The following FAM124A variants were observed in gnomAD, a reference collection of about 807,000 sequenced individuals.
The protein encoded by FAM124A is family with sequence similarity 124 member A.
FAM124A carries 23 observed loss-of-function variants against 24.5 expected under a neutral mutation model. The ratio of observed to expected loss-of-function variants is 0.94; its 90% CI spans 0.68 to 1.33. FAM124A has a LOEUF of 1.33. Ranked by LOEUF, FAM124A falls within the 40% of genes most tolerant of loss-of-function variation. The probability of loss-of-function intolerance (pLI) is 0.00; values close to 1 mark genes in which losing one functional copy is unlikely to be tolerated. For synonymous variants in FAM124A, 287 were observed against 314.7 expected (o/e 0.91, Z 0.93); for missense variants, 623 against 722.8 (o/e 0.86, Z 1.58).
chr13:51,248,024 G>A (rs1489514857), intron 2 of FAM124A, among the ~76,000 whole-genome samples: 2 of 152,112 alleles, frequency 1.3e-5, no homozygotes, highest in African/African-American at 4.8e-5. Context: ...GGTCTATATG[G>A]GGGCACACGC....
chr13:51,251,988 C>A lies in FAM124A; in HGVS notation c.621C>A (p.Ile207=). The part of the protein sequence containing the change: ...SPSQKKADFC[I]FPIFSNLDVD... ...GCCAGAAGAAAGCGGACTTCTGCAT[C>A]TTCCCTATTTTTTCCAACCTGGATG... Residue 207 remains isoleucine, a synonymous_variant, in exon 3 of 4, where the codon ATC becomes ATA. Coordinates refer to ENST00000322475, the MANE Select transcript of FAM124A (RefSeq NM_001242312.2). The surrounding 1 kb of genome is among the most constrained non-coding windows in gnomAD (Gnocchi z 5.3). 1 of 1,614,262 alleles carries A rather than the reference C, an allele frequency of 6.2e-7. No individual in the cohort carries two copies. Among genetic ancestry groups the A allele is most frequent in the Non-Finnish European group, 8.5e-7 (1 of 1,180,052 alleles).
Position 51,251,650 on chromosome 13 carries a change from A to C in FAM124A, c.283A>C (p.Lys95Gln), listed in dbSNP as rs1376115207. ...RASRRRRKPP[K>Q]GAQPALAVVL... ...GTCCCGGCGGCGGCGGAAGCCCCCC[A>C]AGGGCGCTCAGCCAGCGCTGGCTGT... The change falls in exon 3 of 4, where the codon AAG (lysine) becomes CAG (glutamine). Residue 95 changes from lysine to glutamine, a missense_variant. Physicochemically the swap from Lys to Gln is moderately conservative, Grantham distance 53. Transcript: ENST00000322475. This position sits in a 1 kb window ranked among gnomAD's most constrained non-coding sequence, Gnocchi z 5.3. The C allele has an allele frequency of 6.3e-6, 10 of 1,580,146 alleles. No individual in the cohort carries two copies. Among genetic ancestry groups the C allele is most frequent in the Middle Eastern group, 1.7e-4 (1 of 5,888 alleles).
In FAM124A at chr13:51,274,179, C is replaced by G. The variant is rs372310064; in HGVS notation, c.835-6271C>G. ...GTTGTTTCCTAGAACTTCTAGGTGC[C>G]CAGCCCTTTTCTGTTTATTAATAGT... On this transcript the variant is annotated intron_variant, in intron 3 of 3. Transcript: ENST00000322475. Among the ~76,000 whole-genome samples the G allele has an allele frequency of 8.5e-5, 13 of 152,234 alleles. No individual in the cohort carries two copies. In the East Asian group the frequency reaches 2.3e-3, roughly 27 times the overall value.
chr13:51,273,945 A>C (rs1337009339), intron 3 of FAM124A, among the ~76,000 whole-genome samples: 2 of 152,244 alleles, frequency 1.3e-5, no homozygotes, highest in Non-Finnish European at 2.9e-5. Flanking sequence ...GGTAATTCAC[A>C]AATTACACCA....
At chr13:51,256,384 G>A (rs1394144958) in intron 3 of FAM124A, among the ~76,000 whole-genome samples, 1 of 152,182 alleles carries the variant, frequency 6.6e-6, no homozygotes, top group African/African-American at 2.4e-5. Flanking sequence ...AGAGAAAAGA[G>A]CTGCAACTAA....
At chr13:51,237,789 TG>T (rs34258360) in intron 2 of FAM124A, among the ~76,000 whole-genome samples, 47,278 of 152,150 alleles carry the variant, frequency 0.31, 9,250 homozygotes, top group Non-Finnish European at 0.43. Flanking sequence ...TGGGGCATCT[TG>T]TATACCTATA....
At chr13:51,261,547 AAAG>A (rs1954738520) in intron 3 of FAM124A, among the ~76,000 whole-genome samples, 1 of 126,586 alleles carries the variant, frequency 7.9e-6, no homozygotes. Context: ...TTTTAGGAAA[AAAG>A]AAGTGAACTA....
intron 2 of FAM124A, among the ~76,000 whole-genome samples, chr13:51,240,947 A>G (rs1954484781): frequency 6.6e-6 from 1 of 152,162 alleles, no homozygotes; most frequent in African/African-American, 2.4e-5. Flanking sequence ...CTCCCACCAG[A>G]AGCCCAAACT....
chr13:51,244,208 G>T (rs1421286348), intron 2 of FAM124A, among the ~76,000 whole-genome samples: 1 of 152,144 alleles, frequency 6.6e-6, no homozygotes, highest in Non-Finnish European at 1.5e-5. Context: ...ATGGTAAATT[G>T]TTACAGCCAC....
intron 3 of FAM124A, among the ~76,000 whole-genome samples, chr13:51,278,826 C>T (rs1954909218): frequency 6.6e-6 from 1 of 152,186 alleles, no homozygotes; most frequent in South Asian, 2.1e-4. Context: ...AGTGTTCATC[C>T]TCCATCAGTT....
chr13:51,248,748 T>A (rs762397649), intron 2 of FAM124A, among the ~76,000 whole-genome samples: 3 of 152,178 alleles, frequency 2.0e-5, no homozygotes, highest in Non-Finnish European at 4.4e-5. Flanking sequence ...TATAGTCTCA[T>A]CCTAAATCAA....
Position 51,251,851 on chromosome 13 carries a change from A to G in FAM124A, c.484A>G (p.Ile162Val). ...TLAPGTPLWA[I>V]RPVHYGKEIV... ...GGCCCCTGGGACGCCGCTTTGGGCC[A>G]TCCGGCCCGTGCACTACGGCAAGGA... The change falls in exon 3 of 4, where the codon ATC becomes GTC. Residue 162 changes from isoleucine to valine, a missense_variant. Coordinates refer to ENST00000322475, the MANE Select transcript of FAM124A (RefSeq NM_001242312.2). This position sits in a 1 kb window ranked among gnomAD's most constrained non-coding sequence, Gnocchi z 5.3. The G allele has an allele frequency of 3.1e-6, 5 of 1,612,338 alleles. No homozygotes were observed. Among genetic ancestry groups the G allele is most frequent in the Non-Finnish European group, 4.2e-6 (5 of 1,179,312 alleles).
rs1439164085 is a variant in FAM124A, at chr13:51,272,228, C to T, written c.835-8222C>T. Among the ~76,000 whole-genome samples, 2 of 152,106 alleles carry T rather than the reference C, an allele frequency of 1.3e-5. No individual in the cohort carries two copies. Among genetic ancestry groups the T allele is most frequent in the Non-Finnish European group, 2.9e-5 (2 of 68,026 alleles). ...TCTTCTTACAAGGAAGTTGGGGGCA[C>T]AGGAGGTCAGTAGGTTGGCTTTGGG... On this transcript the variant is annotated intron_variant, in intron 3 of 3. Transcript: ENST00000322475. This position sits in a 1 kb window ranked among gnomAD's most constrained non-coding sequence, Gnocchi z 4.2.
In FAM124A at chr13:51,281,131, C is replaced by T. The variant is rs775249581; in HGVS notation, c.1516C>T (p.Leu506Phe). ...AAPPAPSTST[L>F]TDSSPQLPCD... ...TCCCCCAGCTCCCAGCACCTCCACC[C>T]TCACAGACTCCTCCCCACAGCTCCC... is the stretch of plus-strand genomic sequence containing the variant. Residue 506 changes from leucine (L) to phenylalanine (F), a missense_variant, in exon 4 of 4, where the codon CTC becomes TTC. Coordinates refer to ENST00000322475, the MANE Select transcript of FAM124A (RefSeq NM_001242312.2). The T allele has an allele frequency of 6.2e-7, 1 of 1,614,154 alleles. No individual in the cohort carries two copies. The highest frequency in any genetic ancestry group is 1.7e-5 in the Admixed American group (1 of 60,012).
In FAM124A at chr13:51,281,384, C is replaced by T; in HGVS notation, c.*128C>T. On this transcript the variant is annotated 3_prime_UTR_variant, in exon 4 of 4. Coordinates refer to ENST00000322475, the MANE Select transcript of FAM124A (RefSeq NM_001242312.2). ...TTCCCAGGAGCCCGTAGCACATTTGCCTACCACCCACTCTTAGCTGGGGGG... is the reference window on the plus strand; with the variant it reads ...TTCCCAGGAGCCCGTAGCACATTTGTCTACCACCCACTCTTAGCTGGGGGG... 1 of 915,794 alleles carries T rather than the reference C, an allele frequency of 1.1e-6. No individual in the cohort carries two copies. The highest frequency in any genetic ancestry group is 1.6e-6 in the Non-Finnish European group (1 of 637,806). The allele number at this position is 915,794 out of a possible 1,614,324, so 56.7% of individuals were successfully genotyped here.
At chr13:51,260,929 G>A (rs1188242384) in intron 3 of FAM124A, among the ~76,000 whole-genome samples, 3 of 152,154 alleles carry the variant, frequency 2.0e-5, no homozygotes, top group Non-Finnish European at 1.5e-5. Flanking sequence ...GAACTCTAGG[G>A]CAGGATAGCC....
intron 2 of FAM124A, among the ~76,000 whole-genome samples, chr13:51,247,953 C>T (rs925976544): frequency 6.6e-6 from 1 of 152,124 alleles, no homozygotes; most frequent in East Asian, 1.9e-4. Flanking sequence ...AAGAAAAGGG[C>T]CAGAATTATC....
rs888148084 is a variant in FAM124A at position 51,251,711 on chromosome 13, A to G, written c.344A>G (p.Gln115Arg). ...LFLQEEYGEE[Q>R]ILQLHRTLQQ... is the part of the protein sequence containing the mutation. Reference sequence around the variant, plus strand: ...CTGCAGGAGGAGTACGGCGAAGAGCAGATCCTGCAGCTGCACCGCACACTG... The same window carrying G: ...CTGCAGGAGGAGTACGGCGAAGAGCGGATCCTGCAGCTGCACCGCACACTG... The change falls in exon 3 of 4, where the codon CAG (glutamine) becomes CGG (arginine). Residue 115 changes from glutamine to arginine, a missense_variant. By Grantham distance (43) the Gln-to-Arg change is conservative. Transcript: ENST00000322475. This position sits in a 1 kb window ranked among gnomAD's most constrained non-coding sequence, Gnocchi z 5.3. The G allele has an allele frequency of 6.3e-7, 1 of 1,587,394 alleles. No homozygotes were observed. The highest frequency in any genetic ancestry group is 8.6e-7 in the Non-Finnish European group (1 of 1,168,418).
At chr13:51,240,045 G>A (rs1489187057) in intron 2 of FAM124A, among the ~76,000 whole-genome samples, 3 of 152,122 alleles carry the variant, frequency 2.0e-5, no homozygotes, top group Non-Finnish European at 4.4e-5. Flanking sequence ...CAGCCTTTAT[G>A]GAAAATATTT....
Sources: gnomAD v4.1 joint callset for allele counts (sites outside exome capture counted in the v4.1 genomes callset) on GRCh38, gnomAD v4.1.1 for gene constraint, Gnocchi (gnomAD v3.1) non-coding constraint, MANE v1.5 for transcripts, NCBI Gene and HGNC (gene_info 2026-07-23, HGNC 2026-07-21) for gene names.